Variants in IRF2 observed in about 807,000 individuals in gnomAD.
IRF2 encodes the protein interferon regulatory factor 2.
IRF2 carries 15 observed loss-of-function variants against 40.6 expected under a neutral mutation model. The observed-to-expected ratio is 0.37, with a 90% CI of 0.25 to 0.57. The LOEUF (loss-of-function observed/expected upper bound fraction) is 0.57. Among genes scored for constraint, IRF2 ranks in the 20% least tolerant of loss-of-function variants. The pLI, the probability that IRF2 is intolerant of heterozygous loss-of-function variation, is 0.77. For missense variants in IRF2, 317 were observed against 455.7 expected (o/e 0.70, Z 2.77); for synonymous variants, 151 against 165.5 (o/e 0.91, Z 0.67).
chr4:184,413,972 C>T lies in IRF2; in HGVS notation c.411+4195G>A, dbSNP rs1396299059. 6.6e-6 allele frequency among the ~76,000 whole-genome samples: 1 copy of T among 152,236 alleles called. No individual in the cohort carries two copies. Among genetic ancestry groups the T allele is most frequent in the Non-Finnish European group, 1.5e-5 (1 of 68,046 alleles). On this transcript the variant is annotated intron_variant, in intron 5 of 8. Transcript: ENST00000393593. This position sits in a 1 kb window ranked among gnomAD's most constrained non-coding sequence, Gnocchi z 4.2. ...TGCGGAAGGACCAGTTTGACCCTGT[C>T]CACCCCTCAAGGCCTGGCTTAGGCC... is the stretch of plus-strand genomic sequence containing the variant.
chr4:184,438,497 C>G (rs908781110), intron 1 of IRF2, among the ~76,000 whole-genome samples: 5 of 152,050 alleles, frequency 3.3e-5, no homozygotes, highest in African/African-American at 1.2e-4. Context: ...TATACTGGTC[C>G]TGGGGTTGAA....
intron 1 of IRF2, among the ~76,000 whole-genome samples, chr4:184,460,802 G>A (rs1241440035): frequency 6.6e-6 from 1 of 152,118 alleles, no homozygotes; most frequent in African/African-American, 2.4e-5. Context: ...GCCCTGTGAG[G>A]AGAGGGTACT....
At chr4:184,424,269 C>T (rs867517301) in intron 2 of IRF2, among the ~76,000 whole-genome samples, 6 of 152,346 alleles carry the variant, frequency 3.9e-5, no homozygotes, top group Middle Eastern at 6.8e-3. Context: ...CAAACTTCCT[C>T]GCTGTTCCTT....
chr4:184,473,505 AT>A (rs1040426920), intron 1 of IRF2, among the ~76,000 whole-genome samples: 7 of 147,564 alleles, frequency 4.7e-5, no homozygotes, highest in African/African-American at 1.7e-4. Context: ...GACAAGTGCA[AT>A]GACAAAGCCC....
In IRF2 at chr4:184,432,338, T is replaced by C. The variant is rs532318536; in HGVS notation, c.-6-3268A>G. On this transcript the variant is annotated intron_variant, in intron 1 of 8. Transcript: ENST00000393593. The stretch of plus-strand genomic sequence containing the variant: ...CTGCCTTCCCGCTCTTGCTCTCCTA[T>C]GGCAGACAAGTGTTCTTTTCACAGG... Among the ~76,000 whole-genome samples, 27 of 152,370 alleles carry C rather than the reference T, an allele frequency of 1.8e-4. 1 individual carries two copies. The highest frequency in any genetic ancestry group is 3.4e-3 in the Middle Eastern group (1 of 294).
intron 1 of IRF2, among the ~76,000 whole-genome samples, chr4:184,467,599 G>C (rs1739373006): frequency 6.6e-6 from 1 of 152,240 alleles, no homozygotes; most frequent in Non-Finnish European, 1.5e-5. Context: ...TCAATCTCAT[G>C]AAATGGGAAA....
intron 1 of IRF2, among the ~76,000 whole-genome samples, chr4:184,464,821 G>C (rs1292571955): frequency 2.0e-5 from 3 of 152,140 alleles, no homozygotes; most frequent in African/African-American, 7.2e-5. Context: ...TGTCAGGGGA[G>C]CTAAGGTGTT....
chr4:184,400,574 G>C (rs1229660850), intron 6 of IRF2, among the ~76,000 whole-genome samples: 1 of 152,164 alleles, frequency 6.6e-6, no homozygotes, highest in Non-Finnish European at 1.5e-5. Context: ...TGGGATAAAT[G>C]CCCAAGAATG....
chr4:184,460,657 A>C (rs1739103616), intron 1 of IRF2, among the ~76,000 whole-genome samples: 1 of 122,100 alleles, frequency 8.2e-6, no homozygotes, highest in African/African-American at 2.9e-5. Context: ...ACACACACAC[A>C]TGCACGCGCA....
intron 1 of IRF2, among the ~76,000 whole-genome samples, chr4:184,438,581 C>T (rs535350488): frequency 1.5e-4 from 23 of 152,138 alleles, no homozygotes; most frequent in Admixed American, 2.6e-4. Context: ...AGCATGTGGA[C>T]GGCAGAGAGA....
intron 1 of IRF2, among the ~76,000 whole-genome samples, chr4:184,440,619 GTC>G (rs1202004587): frequency 6.6e-6 from 1 of 152,252 alleles, no homozygotes; most frequent in African/African-American, 2.4e-5. Context: ...AGCTCTCAGA[GTC>G]TCTGCCTCTG....
chr4:184,465,367 C>A (rs1316088041), intron 1 of IRF2, among the ~76,000 whole-genome samples: 1 of 152,050 alleles, frequency 6.6e-6, no homozygotes, highest in Non-Finnish European at 1.5e-5. Flanking sequence ...CTTACGTGGA[C>A]CAGAGGTGAG....
At chr4:184,460,230 A>G (rs1034091572) in intron 1 of IRF2, among the ~76,000 whole-genome samples, 6 of 152,260 alleles carry the variant, frequency 3.9e-5, no homozygotes, top group Non-Finnish European at 7.3e-5. Context: ...GCCAGACACA[A>G]AAAGACAAAG....
In IRF2 at chr4:184,413,821, A is replaced by C. The variant is rs1171213212; in HGVS notation, c.411+4346T>G. Among the ~76,000 whole-genome samples, 1 of 152,144 alleles carries C rather than the reference A, an allele frequency of 6.6e-6. No homozygotes were observed. Among genetic ancestry groups the C allele is most frequent in the Non-Finnish European group, 1.5e-5 (1 of 68,026 alleles). Reference sequence around the variant, plus strand: ...GTACCCATTTCTATTCGCCCCACCTACATGCCTGTATTTCCCATTGCCCTC... The same window carrying C: ...GTACCCATTTCTATTCGCCCCACCTCCATGCCTGTATTTCCCATTGCCCTC... On this transcript the variant is annotated intron_variant, in intron 5 of 8. Transcript: ENST00000393593. The surrounding 1 kb of genome is among the most constrained non-coding windows in gnomAD (Gnocchi z 4.2).
At chr4:184,437,065 G>A (rs1261615128) in intron 1 of IRF2, among the ~76,000 whole-genome samples, 6 of 151,662 alleles carry the variant, frequency 4.0e-5, no homozygotes, top group African/African-American at 4.8e-5. Flanking sequence ...TTTGTTTTTC[G>A]GGTTTTTTGA....
intron 1 of IRF2, among the ~76,000 whole-genome samples, chr4:184,444,180 T>C (rs1288170766): frequency 1.3e-5 from 2 of 152,192 alleles, no homozygotes; most frequent in East Asian, 1.9e-4. Context: ...TTTATCACTA[T>C]ACTGTATATG....
intron 2 of IRF2, among the ~76,000 whole-genome samples, chr4:184,422,708 A>C (rs1341395869): frequency 6.6e-6 from 1 of 152,250 alleles, no homozygotes; most frequent in African/African-American, 2.4e-5. Flanking sequence ...GATTCCATTT[A>C]CATGAAATAT....
At chr4:184,457,240 TC>T (rs1367370115) in intron 1 of IRF2, among the ~76,000 whole-genome samples, 5 of 152,238 alleles carry the variant, frequency 3.3e-5, no homozygotes, top group Admixed American at 2.0e-4. Flanking sequence ...ATCCATGTGG[TC>T]CCAATGCAGG....
At chr4:184,416,531 T>C (rs1371180233) in intron 5 of IRF2, among the ~76,000 whole-genome samples, 3 of 152,140 alleles carry the variant, frequency 2.0e-5, no homozygotes, top group Non-Finnish European at 4.4e-5. Context: ...ACGAATGTTA[T>C]AACATGTATG....
Sources: gnomAD v4.1 joint callset for allele counts (sites outside exome capture counted in the v4.1 genomes callset) on GRCh38, gnomAD v4.1.1 for gene constraint, Gnocchi (gnomAD v3.1) non-coding constraint, MANE v1.5 for transcripts, NCBI Gene and HGNC (gene_info 2026-07-23, HGNC 2026-07-21) for gene names.